Variants in P2RY8 observed in about 807,000 individuals in gnomAD.
The protein encoded by P2RY8 is S-geranylgeranyl-glutathione receptor P2RY8.
A neutral mutation model predicts 10.0 loss-of-function variants in P2RY8; 6 were observed. That is an observed-to-expected ratio of 0.60 (90% CI 0.33 to 1.19). The LOEUF is 1.19. Among genes scored for constraint, P2RY8 ranks in the 50% most tolerant of loss-of-function variants. The pLI is 0.04. For missense variants in P2RY8, 456 were observed against 542.0 expected, an observed-to-expected ratio of 0.84 and a Z score of 1.58; for synonymous variants, 276 against 252.5, an observed-to-expected ratio of 1.09 and a Z score of -0.88.
intron 1 of P2RY8, among the ~76,000 whole-genome samples, chrX:1,499,787 G>A (rs1190159599): frequency 6.6e-6 from 1 of 151,980 alleles, no homozygotes; most frequent in East Asian, 1.9e-4. Context: ...AAGACAAGAG[G>A]CAACCTGGGA....
intron 1 of P2RY8, among the ~76,000 whole-genome samples, chrX:1,469,824 G>A (rs780983114): frequency 1.1e-3 from 163 of 151,968 alleles, no homozygotes; most frequent in South Asian, 2.7e-3. Context: ...GCCTGAACCC[G>A]GGAGGCGGAG....
chrX:1,509,781 C>CTATCTATCT (rs1204139625), intron 1 of P2RY8, among the ~76,000 whole-genome samples: 1 of 96,150 alleles, frequency 1.0e-5, no homozygotes, highest in Non-Finnish European at 2.1e-5. Flanking sequence ...ATCTATCTAT[C>CTATCTATCT]ATCTATGTAT....
intron 1 of P2RY8, among the ~76,000 whole-genome samples, chrX:1,508,721 TCTATCTA>T (rs2092258981): frequency 1.9e-5 from 2 of 107,034 alleles, no homozygotes; most frequent in East Asian, 4.5e-4. Context: ...TATCTATCTA[TCTATCTA>T]TCTATCTATC....
chrX:1,484,360 C>A (rs1451889057), intron 1 of P2RY8, among the ~76,000 whole-genome samples: 4 of 152,058 alleles, frequency 2.6e-5, no homozygotes, highest in Admixed American at 2.0e-4. Flanking sequence ...GGGAGGTTCT[C>A]AGGCCCACAG....
intron 1 of P2RY8, among the ~76,000 whole-genome samples, chrX:1,504,135 A>C (rs565388502): frequency 1.3e-5 from 2 of 150,586 alleles, no homozygotes; most frequent in African/African-American, 4.9e-5. Flanking sequence ...GTCCAATATG[A>C]TGAAACCCCG....
intron 1 of P2RY8, among the ~76,000 whole-genome samples, chrX:1,532,363 A>ACAT (rs2092482027): frequency 6.7e-6 from 1 of 150,028 alleles, no homozygotes; most frequent in Non-Finnish European, 1.5e-5. Context: ...GTATATATAC[A>ACAT]CATATACGTA....
chrX:1,501,033 T>C (rs1303096630), intron 1 of P2RY8, among the ~76,000 whole-genome samples: 1 of 151,974 alleles, frequency 6.6e-6, no homozygotes, highest in Non-Finnish European at 1.5e-5. Flanking sequence ...CTGGGAGAGG[T>C]GGGGATTTTT....
At chrX:1,514,560 C>T (rs867823573) in intron 1 of P2RY8, among the ~76,000 whole-genome samples, 331 of 6,798 alleles carry the variant, frequency 0.049, 30 homozygotes, top group East Asian at 0.26. Flanking sequence ...CTCTTCCCTT[C>T]CCTTCCCTCC....
chrX:1,469,317 C>A (rs1352134651), intron 1 of P2RY8, among the ~76,000 whole-genome samples: 2 of 150,906 alleles, frequency 1.3e-5, no homozygotes, highest in Non-Finnish European at 2.9e-5. Context: ...GCATGCACCA[C>A]CACGCCTGGC....
intron 1 of P2RY8, among the ~76,000 whole-genome samples, chrX:1,527,706 TATCC>T (rs373084254): frequency 0.099 from 14,984 of 151,372 alleles, 836 homozygotes; most frequent in African/African-American, 0.12. Context: ...TTTACTCATC[TATCC>T]ATCCATCCAT....
At chrX:1,488,923 C>G (rs1189990937) in intron 1 of P2RY8, among the ~76,000 whole-genome samples, 1 of 151,244 alleles carries the variant, frequency 6.6e-6, no homozygotes, top group Non-Finnish European at 1.5e-5. Flanking sequence ...AGGGTTCACT[C>G]CCACAAATGT....
At chrX:1,505,270 C>T (rs1380604436) in intron 1 of P2RY8, among the ~76,000 whole-genome samples, 3 of 152,082 alleles carry the variant, frequency 2.0e-5, no homozygotes, top group East Asian at 1.9e-4. Context: ...ATCACAAAAA[C>T]GGATGAGACT....
intron 1 of P2RY8, among the ~76,000 whole-genome samples, chrX:1,516,069 C>T (rs1380026504): frequency 6.6e-6 from 1 of 151,256 alleles, no homozygotes; most frequent in Non-Finnish European, 1.5e-5. Context: ...CGGTGGCAGG[C>T]ACCTGTAATC....
chrX:1,465,518 G>A lies in P2RY8; in HGVS notation c.1041C>T (p.Ala347=), dbSNP rs1328812031. ...AGAHPEGMEG[A]TRPGLQRQES... ...CCTGCCTCTGGAGGCCGGGCCTGGT[G>A]GCTCCCTCCATCCCTTCAGGGTGCG... is the stretch of plus-strand genomic sequence containing the variant. Residue 347 remains alanine, a synonymous_variant, in exon 2 of 2, where the codon GCC becomes GCT. Transcript: ENST00000381297. 2 of 1,610,786 alleles carry A rather than the reference G, an allele frequency of 1.2e-6. No homozygotes were observed. Among genetic ancestry groups the A allele is most frequent in the East Asian group, 2.2e-5 (1 of 44,860 alleles).
In P2RY8 at chrX:1,465,406, G is replaced by A. The variant is rs2091650688; in HGVS notation, c.*73C>T. The stretch of plus-strand genomic sequence containing the variant: ...CGCAGCTGTTCTCCCTGAACCTCTG[G>A]CACCGTGGCCTCTCCATGCGCCCCT... On this transcript the variant is annotated 3_prime_UTR_variant, in exon 2 of 2. Transcript: ENST00000381297. 1 of 1,522,628 alleles carries A rather than the reference G, an allele frequency of 6.6e-7. No homozygotes were observed. Among genetic ancestry groups the A allele is most frequent in the African/African-American group, 1.4e-5 (1 of 72,152 alleles). The allele number at this position is 1,522,628 out of a possible 1,614,324, so 94.3% of individuals were successfully genotyped here. A position where few individuals can be genotyped will look rare whatever the true frequency, so the allele number is the denominator to read the frequency against.
intron 1 of P2RY8, among the ~76,000 whole-genome samples, chrX:1,525,510 A>G (rs2092434042): frequency 6.6e-6 from 1 of 152,148 alleles, no homozygotes; most frequent in South Asian, 2.1e-4. Context: ...GAGACGCAGG[A>G]AAGATTCTCC....
intron 1 of P2RY8, among the ~76,000 whole-genome samples, chrX:1,477,296 T>TCA (rs1286331697): frequency 1.5e-4 from 9 of 58,724 alleles, no homozygotes; most frequent in Middle Eastern, 0.01. Context: ...CATCTATCTA[T>TCA]ATCAATCGTC....
intron 1 of P2RY8, among the ~76,000 whole-genome samples, chrX:1,481,037 G>A (rs1478400161): frequency 6.6e-6 from 1 of 151,874 alleles, no homozygotes; most frequent in African/African-American, 2.4e-5. Context: ...GAGACATGCC[G>A]GCCGACAGGT....
intron 1 of P2RY8, among the ~76,000 whole-genome samples, chrX:1,531,460 C>A (rs1399496067): frequency 1.4e-4 from 22 of 152,190 alleles, no homozygotes; most frequent in African/African-American, 5.3e-4. Context: ...CCCCTCCCAG[C>A]CTGACTGTGC....
Sources: allele counts gnomAD v4.1 joint callset (sites outside exome capture counted in the v4.1 genomes callset), GRCh38; gene constraint gnomAD v4.1.1; transcripts MANE v1.5; gene names NCBI Gene and HGNC (gene_info 2026-07-23, HGNC 2026-07-21).